The following TSHZ3 variants were observed in gnomAD, a reference collection of about 807,000 sequenced individuals.
The protein encoded by TSHZ3 is teashirt homolog 3.
Under a neutral mutation model 64.5 loss-of-function variants are expected in TSHZ3, and 10 were observed. That is an observed-to-expected ratio of 0.16 (90% CI 0.10 to 0.26). The LOEUF is 0.26. Ranked by LOEUF, TSHZ3 falls within the 10% of genes least tolerant of loss-of-function variation. The pLI is 1.00. For missense variants in TSHZ3, 1,242 were observed against 1,421.7 expected, an observed-to-expected ratio of 0.87 and a Z score of 2.03; for synonymous variants, 608 against 593.1, an observed-to-expected ratio of 1.03 and a Z score of -0.36.
At chr19:31,173,320 A>G (rs1357870789) in intron 5 of TSHZ3, among the ~76,000 whole-genome samples, 1 of 152,194 alleles carries the variant, frequency 6.6e-6, no homozygotes, top group Non-Finnish European at 1.5e-5. Flanking sequence ...AATTAATGCA[A>G]AGTAGTTTGT....
chr19:31,281,671 C>G (rs1007412078), intron 1 of TSHZ3, among the ~76,000 whole-genome samples: 1 of 152,174 alleles, frequency 6.6e-6, no homozygotes, highest in East Asian at 1.9e-4. Flanking sequence ...GGAAATACGG[C>G]GCTGGCCAAT....
At chr19:31,165,542 T>C (rs1430748240) in intron 5 of TSHZ3, among the ~76,000 whole-genome samples, 1 of 151,994 alleles carries the variant, frequency 6.6e-6, no homozygotes, top group Non-Finnish European at 1.5e-5. Context: ...AAACAAAAAC[T>C]GTGACCTCAT....
At chr19:31,265,397 C>CAAAAAAAAAAAAA (rs11432951) in intron 1 of TSHZ3, among the ~76,000 whole-genome samples, 3 of 34,266 alleles carry the variant, frequency 8.8e-5, no homozygotes, top group East Asian at 1.3e-3. Context: ...AACTCTGTCT[C>CAAAAAAAAAAAAA]AAAAAAAAAA....
At chr19:31,299,865 A>T (rs1308346242) in intron 1 of TSHZ3, among the ~76,000 whole-genome samples, 1 of 152,226 alleles carries the variant, frequency 6.6e-6, no homozygotes, top group Non-Finnish European at 1.5e-5. Flanking sequence ...ACACTGTATC[A>T]TCGCCACTGT....
intron 5 of TSHZ3, among the ~76,000 whole-genome samples, chr19:31,189,515 T>C (rs1013339711): frequency 6.6e-6 from 1 of 152,044 alleles, no homozygotes. Flanking sequence ...TTTAGAAGTA[T>C]GTGATTTATT....
In TSHZ3 at chr19:31,349,374, G is replaced by C. The variant is rs2021629056; in HGVS notation, c.-155C>G. On this transcript the variant is annotated 5_prime_UTR_variant, in exon 1 of 2. Coordinates refer to ENST00000240587, the MANE Select transcript of TSHZ3 (RefSeq NM_020856.4). Reference sequence around the variant, plus strand: ...CGCCCGCAGGATGCTGCTGCGCCCAGGCTCTCCGCGTCCCCCCCGCGCCGC... The same window carrying C: ...CGCCCGCAGGATGCTGCTGCGCCCACGCTCTCCGCGTCCCCCCCGCGCCGC... The C allele has an allele frequency of 9.0e-6, 5 of 554,598 alleles. No homozygotes were observed. Among genetic ancestry groups the C allele is most frequent in the Non-Finnish European group, 1.4e-5 (5 of 359,750 alleles). The allele number at this position is 554,598 out of a possible 1,614,324, so 34.4% of individuals were successfully genotyped here.
intron 1 of TSHZ3, chr19:31,308,548 C>A: frequency 2.5e-6 from 1 of 396,796 alleles, no homozygotes; most frequent in East Asian, 3.6e-5. Flanking sequence ...AGGAGACTGG[C>A]TCTCGATCCT....
At chr19:31,237,823 T>C (rs777734686) in intron 3 of TSHZ3, among the ~76,000 whole-genome samples, 1 of 152,220 alleles carries the variant, frequency 6.6e-6, no homozygotes, top group South Asian at 2.1e-4. Context: ...TTGCTTCAAA[T>C]ATTTTAAATT....
intron 5 of TSHZ3, among the ~76,000 whole-genome samples, chr19:31,183,178 TTCTC>T (rs750398873): frequency 0.036 from 4,226 of 116,216 alleles, 72 homozygotes; most frequent in East Asian, 0.11. Flanking sequence ...TTCTATGAGA[TTCTC>T]TCTCTCTCTC....
At chr19:31,164,562 A>G (rs1267088139) in intron 5 of TSHZ3, among the ~76,000 whole-genome samples, 4 of 152,178 alleles carry the variant, frequency 2.6e-5, no homozygotes, top group Non-Finnish European at 5.9e-5. Context: ...GCACTGTGCT[A>G]GGAGCCAGAG....
intron 1 of TSHZ3, among the ~76,000 whole-genome samples, chr19:31,300,913 G>A (rs1388560876): frequency 6.6e-6 from 1 of 152,128 alleles, no homozygotes; most frequent in East Asian, 1.9e-4. Context: ...CCGTGCGCCT[G>A]AGGAGTTCTG....
chr19:31,260,340 C>G (rs906042761), intron 1 of TSHZ3, among the ~76,000 whole-genome samples: 8 of 152,236 alleles, frequency 5.3e-5, no homozygotes, highest in Non-Finnish European at 1.0e-4. Flanking sequence ...TAACTAAGTA[C>G]AGCCAGTCCG....
At position 31,342,959 on chromosome 19, in the gene TSHZ3, G is replaced by A. The variant is rs372393840; in HGVS notation, c.40+6221C>T. Among the ~76,000 whole-genome samples, 52 of 152,304 alleles carry A rather than the reference G, an allele frequency of 3.4e-4. 1 individual carries two copies. Among genetic ancestry groups the A allele is most frequent in the African/African-American group, 1.2e-3 (50 of 41,556 alleles). Reference sequence around the variant, plus strand: ...TGGATTCACAGTGCATTGAGAGTTAGGCTTGCGTTTTTAAAAATGTACGTA... The same window carrying A: ...TGGATTCACAGTGCATTGAGAGTTAAGCTTGCGTTTTTAAAAATGTACGTA... On this transcript the variant is annotated intron_variant, in intron 1 of 1. Transcript: ENST00000240587.
At chr19:31,347,505 A>C (rs1022618201) in intron 1 of TSHZ3, among the ~76,000 whole-genome samples, 4 of 152,122 alleles carry the variant, frequency 2.6e-5, no homozygotes, top group African/African-American at 9.7e-5. Flanking sequence ...CATTCCTACT[A>C]CTCAACTTTG....
At chr19:31,340,374 T>C in intron 1 of TSHZ3, among the ~76,000 whole-genome samples, 2 of 122,036 alleles carry the variant, frequency 1.6e-5, no homozygotes, top group East Asian at 3.0e-4. Context: ...ACCACAGACT[T>C]CCTCTCACAC....
intron 4 of TSHZ3, among the ~76,000 whole-genome samples, chr19:31,223,727 T>A (rs1429873569): frequency 6.6e-6 from 1 of 152,050 alleles, no homozygotes; most frequent in African/African-American, 2.4e-5. Flanking sequence ...GAATTTTTCA[T>A]GGAAGATAAA....
intron 1 of TSHZ3, among the ~76,000 whole-genome samples, chr19:31,300,909 G>A (rs185488864): frequency 2.0e-5 from 3 of 152,158 alleles, no homozygotes; most frequent in East Asian, 1.9e-4. Flanking sequence ...AATACCGTGC[G>A]CCTGAGGAGT....
At chr19:31,172,135 C>T (rs114595277) in intron 5 of TSHZ3, among the ~76,000 whole-genome samples, 2,874 of 152,238 alleles carry the variant, frequency 0.019, 93 homozygotes, top group African/African-American at 0.066. Context: ...ACCTCCATAT[C>T]ATAGTGCCCT....
chr19:31,218,252 A>T (rs1975356936), intron 4 of TSHZ3, among the ~76,000 whole-genome samples: 1 of 150,572 alleles, frequency 6.6e-6, no homozygotes, highest in Non-Finnish European at 1.5e-5. Context: ...CTTAGCAGAC[A>T]CCTTACCAAA....
Sources: allele counts gnomAD v4.1 joint callset (sites outside exome capture counted in the v4.1 genomes callset), GRCh38; gene constraint gnomAD v4.1.1; transcripts MANE v1.5; gene names NCBI Gene and HGNC (gene_info 2026-07-23, HGNC 2026-07-21).